Variants in NCKAP5 observed in about 807,000 individuals in gnomAD.
The protein encoded by NCKAP5 is nck-associated protein 5.
Under a neutral mutation model 167.0 loss-of-function variants are expected in NCKAP5, and 92 were observed. That is an observed-to-expected ratio of 0.55 (90% CI 0.47 to 0.66). The LOEUF is 0.66. NCKAP5 is among the 30% of genes least tolerant of loss of function. The probability of loss-of-function intolerance (pLI) is 0.00; values close to 1 mark genes in which losing one functional copy is unlikely to be tolerated. For missense variants in NCKAP5, 2,378 were observed against 2,315.0 expected, an observed-to-expected ratio of 1.03 and a Z score of -0.56; for synonymous variants, 891 against 877.4, an observed-to-expected ratio of 1.02 and a Z score of -0.27.
intron 11 of NCKAP5, among the ~76,000 whole-genome samples, chr2:132,820,501 T>G (rs1462627809): frequency 6.6e-6 from 1 of 152,168 alleles, no homozygotes; most frequent in African/African-American, 2.4e-5. Flanking sequence ...GTGCTGGGAT[T>G]ACAGGCGTGA....
chr2:132,891,076 T>C (rs1046453756), intron 8 of NCKAP5, among the ~76,000 whole-genome samples: 2 of 152,188 alleles, frequency 1.3e-5, no homozygotes, highest in Non-Finnish European at 2.9e-5. Context: ...CGTGAGAAGA[T>C]GTGATGTAGA....
intron 19 of NCKAP5, among the ~76,000 whole-genome samples, chr2:132,725,122 A>T (rs1195981087): frequency 6.6e-6 from 1 of 152,166 alleles, no homozygotes; most frequent in Non-Finnish European, 1.5e-5. Flanking sequence ...CATAGTTTTA[A>T]ATGTCTAGAG....
intron 2 of NCKAP5, among the ~76,000 whole-genome samples, chr2:133,533,989 C>T (rs1393354623): frequency 6.6e-6 from 1 of 152,126 alleles, no homozygotes; most frequent in African/African-American, 2.4e-5. Flanking sequence ...ATTCAGGTCA[C>T]ATATGGATAT....
At chr2:132,776,150 C>T (rs533903783) in intron 15 of NCKAP5, among the ~76,000 whole-genome samples, 1 of 152,222 alleles carries the variant, frequency 6.6e-6, no homozygotes, top group African/African-American at 2.4e-5. Context: ...TGTCCTGTTA[C>T]AGCTATCCTT....
At chr2:132,925,508 T>G (rs1446116281) in intron 8 of NCKAP5, among the ~76,000 whole-genome samples, 2 of 133,676 alleles carry the variant, frequency 1.5e-5, no homozygotes, top group Non-Finnish European at 3.0e-5. Flanking sequence ...TTTGCAGTAA[T>G]CCAAGATTGT....
chr2:133,072,449 A>G (rs966334715), intron 6 of NCKAP5, among the ~76,000 whole-genome samples: 1 of 151,794 alleles, frequency 6.6e-6, no homozygotes, highest in Non-Finnish European at 1.5e-5. Flanking sequence ...ACAATATTTC[A>G]CTGTGTCCTC....
intron 6 of NCKAP5, among the ~76,000 whole-genome samples, chr2:133,021,985 GATCCCAAGGGATCATTATGA>G (rs2149394256): frequency 6.6e-6 from 1 of 152,296 alleles, no homozygotes; most frequent in East Asian, 1.9e-4. Context: ...CTTCTGAGAT[GATCCCAAGGGATCATTATGA>G]TATATTTTCT....
chr2:133,194,835 C>T (rs901452930), intron 5 of NCKAP5, among the ~76,000 whole-genome samples: 1 of 150,202 alleles, frequency 6.7e-6, no homozygotes. Flanking sequence ...TAAAAGAGCT[C>T]GTGGAAGTAT....
intron 1 of NCKAP5, among the ~76,000 whole-genome samples, chr2:133,567,867 G>A (rs896107674): frequency 3.9e-5 from 6 of 152,224 alleles, no homozygotes; most frequent in African/African-American, 1.4e-4. Context: ...AAACTTTCTA[G>A]ATCAGCCTAA....
At chr2:133,180,321 T>G (rs899687896) in intron 5 of NCKAP5, among the ~76,000 whole-genome samples, 3 of 132,894 alleles carry the variant, frequency 2.3e-5, no homozygotes, top group African/African-American at 8.8e-5. Flanking sequence ...ATTAAAGACG[T>G]TTTTTTTTCC....
intron 10 of NCKAP5, among the ~76,000 whole-genome samples, chr2:132,861,274 T>G (rs1689889258): frequency 6.6e-6 from 1 of 152,148 alleles, no homozygotes; most frequent in African/African-American, 2.4e-5. Context: ...CTCTTTTGAA[T>G]AGTTCAAACA....
rs533133549 is a variant in NCKAP5, at chr2:133,440,746, T to C, written c.69+76712A>G. ...AAAAAAAAAAAAAAAGGAAAGATTT[T>C]AGAATATGAGAGGCAATGGAGTATG... On this transcript the variant is annotated intron_variant, in intron 3 of 19. Transcript: ENST00000409261. 2.8e-4 allele frequency among the ~76,000 whole-genome samples: 42 copies of C among 150,472 alleles called. 1 individual carries two copies. Among genetic ancestry groups the C allele is most frequent in the South Asian group, 1.5e-3 (7 of 4,720 alleles).
At chr2:133,252,571 G>A (rs1366467144) in intron 4 of NCKAP5, among the ~76,000 whole-genome samples, 1 of 152,168 alleles carries the variant, frequency 6.6e-6, no homozygotes, top group African/African-American at 2.4e-5. Context: ...CCGTGAAGCA[G>A]TCCCTTTTAA....
At chr2:132,773,717 T>C (rs746975228) in intron 16 of NCKAP5, 99 bp downstream of exon 16, 9 of 953,036 alleles carry the variant, frequency 9.4e-6, no homozygotes, top group Non-Finnish European at 1.4e-5. Flanking sequence ...CACTCAGTCT[T>C]GATAGAGGGA....
upstream of NCKAP5, among the ~76,000 whole-genome samples, chr2:133,571,423 T>A (rs1688863700): frequency 6.6e-6 from 1 of 152,098 alleles, no homozygotes. Flanking sequence ...TTATGAATGC[T>A]GCTGCCAAAA....
At chr2:133,006,477 C>T (rs776925380) in intron 6 of NCKAP5, among the ~76,000 whole-genome samples, 71 of 152,284 alleles carry the variant, frequency 4.7e-4, no homozygotes, top group Non-Finnish European at 6.6e-4. Context: ...CACATGCTGT[C>T]TGTCATGTTT....
At chr2:132,847,033 T>A (rs11887388) in intron 11 of NCKAP5, among the ~76,000 whole-genome samples, 11,967 of 152,232 alleles carry the variant, frequency 0.079, 946 homozygotes, top group African/African-American at 0.19. Context: ...CATGCAAATA[T>A]TGTATGCTTT....
intron 6 of NCKAP5, among the ~76,000 whole-genome samples, chr2:133,046,905 CAG>C (rs1365656021): frequency 6.6e-6 from 1 of 152,142 alleles, no homozygotes; most frequent in East Asian, 1.9e-4. Flanking sequence ...TTAGTGTATC[CAG>C]ACATCCTTGA....
At chr2:132,963,403 G>C (rs1402247578) in intron 8 of NCKAP5, among the ~76,000 whole-genome samples, 1 of 152,012 alleles carries the variant, frequency 6.6e-6, no homozygotes, top group Admixed American at 6.6e-5. Flanking sequence ...CAGTTACTGG[G>C]GAAAACAAAG....
Sources: gnomAD v4.1 joint callset for allele counts (sites outside exome capture counted in the v4.1 genomes callset) on GRCh38, gnomAD v4.1.1 for gene constraint, MANE v1.5 for transcripts, NCBI Gene and HGNC (gene_info 2026-07-23, HGNC 2026-07-21) for gene names.